The following TSPAN12 variants were observed in gnomAD, a reference collection of about 807,000 sequenced individuals.
TSPAN12 encodes the protein tetraspanin-12.
A neutral mutation model predicts 39.2 loss-of-function variants in TSPAN12; 19 were observed. That is an observed-to-expected ratio of 0.49 (90% CI 0.34 to 0.71). The LOEUF (loss-of-function observed/expected upper bound fraction) is 0.71, where lower values mean the gene tolerates loss of function less well. TSPAN12 is among the 30% of genes least tolerant of loss of function. TSPAN12 has a pLI of 0.01. For missense variants in TSPAN12, 314 were observed against 359.9 expected, an observed-to-expected ratio of 0.87 and a Z score of 1.03; for synonymous variants, 119 against 124.8, an observed-to-expected ratio of 0.95 and a Z score of 0.31.
intron 4 of TSPAN12, among the ~76,000 whole-genome samples, chr7:120,818,006 G>A (rs1423019065): frequency 6.6e-6 from 1 of 152,140 alleles, no homozygotes; most frequent in African/African-American, 2.4e-5. Flanking sequence ...TGGACTGGGT[G>A]ATCAGGGAAG....
intron 5 of TSPAN12, among the ~76,000 whole-genome samples, chr7:120,811,235 C>T (rs887743581): frequency 2.0e-5 from 3 of 152,126 alleles, no homozygotes; most frequent in African/African-American, 7.2e-5. Flanking sequence ...CCAGCAATCC[C>T]ACTACTAGTT....
At chr7:120,808,235 CA>C (rs1369267121) in intron 6 of TSPAN12, among the ~76,000 whole-genome samples, 1 of 152,122 alleles carries the variant, frequency 6.6e-6, no homozygotes, top group African/African-American at 2.4e-5. Flanking sequence ...ATGACTTTCT[CA>C]AATATAAGTA....
chr7:120,848,027 C>T (rs532097637), intron 2 of TSPAN12, among the ~76,000 whole-genome samples: 95 of 152,252 alleles, frequency 6.2e-4, no homozygotes, highest in African/African-American at 2.2e-3. Flanking sequence ...AAACTGCTTG[C>T]ACATCTCCAA....
intron 2 of TSPAN12, 62 bp downstream of exon 2, chr7:120,856,636 C>G: frequency 1.3e-6 from 2 of 1,528,862 alleles, no homozygotes; most frequent in Non-Finnish European, 1.8e-6. Flanking sequence ...GCGCATTATC[C>G]GGTGGCTGCA....
intron 4 of TSPAN12, among the ~76,000 whole-genome samples, chr7:120,823,474 C>G (rs1190798098): frequency 6.6e-6 from 1 of 151,958 alleles, no homozygotes; most frequent in Non-Finnish European, 1.5e-5. Context: ...AAAATGTAAA[C>G]CTAGTACTTT....
intron 7 of TSPAN12, among the ~76,000 whole-genome samples, chr7:120,798,581 C>A (rs529631161): frequency 6.6e-6 from 1 of 152,240 alleles, no homozygotes; most frequent in African/African-American, 2.4e-5. Flanking sequence ...TGTCCTAAAC[C>A]GTCTTTTTAT....
At chr7:120,826,090 T>C (rs533734375) in intron 4 of TSPAN12, among the ~76,000 whole-genome samples, 11 of 152,324 alleles carry the variant, frequency 7.2e-5, no homozygotes, top group Admixed American at 2.6e-4. Context: ...TTGTGCATGC[T>C]TGTACTTGAA....
intron 3 of TSPAN12, 70 bp downstream of exon 3, chr7:120,839,957 T>C (rs1213586460): frequency 2.0e-5 from 26 of 1,302,488 alleles, no homozygotes; most frequent in African/African-American, 2.9e-5. Context: ...AGCACTACCA[T>C]ATAAATAGCT....
At chr7:120,847,637 C>T (rs1794697200) in intron 2 of TSPAN12, among the ~76,000 whole-genome samples, 1 of 152,154 alleles carries the variant, frequency 6.6e-6, no homozygotes, top group African/African-American at 2.4e-5. Flanking sequence ...GTCTCAAGTC[C>T]TTCAAATTGT....
chr7:120,838,023 C>A (rs1215343632), intron 4 of TSPAN12, among the ~76,000 whole-genome samples: 1 of 152,158 alleles, frequency 6.6e-6, no homozygotes, highest in African/African-American at 2.4e-5. Context: ...AGGGCTGAGA[C>A]CTACTATAAA....
chr7:120,831,025 C>T (rs1028005738), intron 4 of TSPAN12, among the ~76,000 whole-genome samples: 7 of 151,786 alleles, frequency 4.6e-5, no homozygotes, highest in African/African-American at 1.7e-4. Flanking sequence ...AAATACCCAA[C>T]AGAAGACAAA....
intron 2 of TSPAN12, among the ~76,000 whole-genome samples, chr7:120,842,271 C>T (rs1437094554): frequency 6.6e-6 from 1 of 152,052 alleles, no homozygotes; most frequent in African/African-American, 2.4e-5. Context: ...GGAAAATCAG[C>T]TAGTGAATTC....
chr7:120,815,528 T>C (rs919906697), intron 5 of TSPAN12, among the ~76,000 whole-genome samples: 10 of 152,150 alleles, frequency 6.6e-5, no homozygotes, highest in African/African-American at 2.4e-4. Context: ...GTGAAGAAGG[T>C]GTCTTGCTTC....
chr7:120,789,967 G>T (rs1167107982), intron 7 of TSPAN12, among the ~76,000 whole-genome samples: 4 of 152,080 alleles, frequency 2.6e-5, no homozygotes, highest in African/African-American at 9.7e-5. Context: ...AGGGTGGGGG[G>T]TGGCCAGATT....
Position 120,838,872 on chromosome 7 carries a change from GA to G in TSPAN12, c.189del (p.His64IlefsTer4). ...EAVILTYFPV[V>X]HPVMIAVCCF... ...CAGCAAACAGCAATCATGACCGGATGAACCACAGGAAAGTAAGTCAAAATGA... is the reference window on the plus strand; with the variant it reads ...CAGCAAACAGCAATCATGACCGGATGACCACAGGAAAGTAAGTCAAAATGA... On this transcript the variant is annotated frameshift_variant, in exon 4 of 8. Coordinates refer to ENST00000222747, the MANE Select transcript of TSPAN12 (RefSeq NM_012338.4). LOFTEE classifies it high-confidence loss of function. 1 of 1,613,972 alleles carries G rather than the reference GA, an allele frequency of 6.2e-7. No individual in the cohort carries two copies.
chr7:120,813,243 C>G (rs750686822), intron 5 of TSPAN12, among the ~76,000 whole-genome samples: 1 of 152,276 alleles, frequency 6.6e-6, no homozygotes, highest in Admixed American at 6.5e-5. Context: ...CAATAAAAAA[C>G]CTGACAAACT....
chr7:120,843,139 G>A (rs1283341981), intron 2 of TSPAN12, among the ~76,000 whole-genome samples: 1 of 152,146 alleles, frequency 6.6e-6, no homozygotes, highest in Non-Finnish European at 1.5e-5. Flanking sequence ...ACATTCAAGA[G>A]TAGAATTAGG....
intron 7 of TSPAN12, among the ~76,000 whole-genome samples, chr7:120,791,372 A>G (rs940789942): frequency 1.3e-5 from 2 of 152,166 alleles, no homozygotes; most frequent in African/African-American, 4.8e-5. Context: ...AGGATACAAA[A>G]TTTCAGTTAG....
At chr7:120,833,370 T>G (rs897385360) in intron 4 of TSPAN12, among the ~76,000 whole-genome samples, 5 of 151,964 alleles carry the variant, frequency 3.3e-5, no homozygotes, top group African/African-American at 1.2e-4. Context: ...CTTAAATATA[T>G]TCTGATTTGC....
Sources: gnomAD v4.1 joint callset for allele counts (sites outside exome capture counted in the v4.1 genomes callset) on GRCh38, gnomAD v4.1.1 for gene constraint, MANE v1.5 for transcripts, NCBI Gene and HGNC (gene_info 2026-07-23, HGNC 2026-07-21) for gene names.